TECRL: variants seen among roughly 807,000 people sequenced by gnomAD.
TECRL encodes trans-2,3-enoyl-CoA reductase-like.
In TECRL, 63 loss-of-function variants were observed where a neutral mutation model predicts 52.8. The ratio of observed to expected loss-of-function variants is 1.19; its 90% CI spans 0.97 to 1.47. The LOEUF (loss-of-function observed/expected upper bound fraction) is 1.47, where lower values mean the gene tolerates loss of function less well. Ranked by LOEUF, TECRL falls within the 40% of genes most tolerant of loss-of-function variation. The pLI is 0.00. For synonymous variants in TECRL, 164 were observed against 141.9 expected (o/e 1.16, Z -1.10); for missense variants, 482 against 429.6 (o/e 1.12, Z -1.08).
At chr4:64,407,779 T>A (rs1053926447) in intron 1 of TECRL, among the ~76,000 whole-genome samples, 6 of 150,708 alleles carry the variant, frequency 4.0e-5, no homozygotes, top group Admixed American at 1.3e-4. Context: ...TTTATTTTTT[T>A]ATTTTTCTTA....
chr4:64,384,912 G>T (rs1220177855), intron 1 of TECRL, among the ~76,000 whole-genome samples: 1 of 152,190 alleles, frequency 6.6e-6, no homozygotes, highest in Non-Finnish European at 1.5e-5. Context: ...TTATCTGCAG[G>T]CATAGGCTAT....
chr4:64,290,657 T>C (rs1193283701), intron 8 of TECRL, among the ~76,000 whole-genome samples: 2 of 152,148 alleles, frequency 1.3e-5, no homozygotes, highest in East Asian at 3.8e-4. Flanking sequence ...ATAATAGTTC[T>C]ATGGACTTTA....
intron 2 of TECRL, among the ~76,000 whole-genome samples, chr4:64,348,480 C>T (rs1457312140): frequency 6.6e-6 from 1 of 152,194 alleles, no homozygotes. Flanking sequence ...TCCAGATATT[C>T]TGGTAGGTAA....
At chr4:64,400,486 G>T (rs113451767) in intron 1 of TECRL, among the ~76,000 whole-genome samples, 1 of 152,098 alleles carries the variant, frequency 6.6e-6, no homozygotes, top group East Asian at 1.9e-4. Context: ...TGTGACAAGG[G>T]CATGAGATTT....
chr4:64,318,562 G>A (rs370864188), intron 4 of TECRL, among the ~76,000 whole-genome samples: 2 of 151,916 alleles, frequency 1.3e-5, no homozygotes, highest in South Asian at 2.1e-4. Context: ...TCAAATTGCC[G>A]ATAACAAAAC....
rs922181533 is a variant in TECRL, at chr4:64,400,523, T to A, written c.234+8595A>T. Among the ~76,000 whole-genome samples the A allele has an allele frequency of 2.0e-5, 3 of 152,106 alleles. No homozygotes were observed. The East Asian group carries it at 5.8e-4, about 29-fold the overall frequency. ...GGAGGGACCAAGGGCAGAAAAAATA[T>A]AGTTTGGGAATTTGTCCCTGCCCAA... On this transcript the variant is annotated intron_variant, in intron 1 of 11. Coordinates refer to ENST00000381210, the MANE Select transcript of TECRL (RefSeq NM_001010874.5).
chr4:64,322,875 A>G (rs568549941), intron 3 of TECRL, 83 bp from the exon 4 acceptor site: 3 of 986,774 alleles, frequency 3.0e-6, no homozygotes, highest in Non-Finnish European at 4.4e-6. Context: ...TAAAATCAGT[A>G]AAAGCTAAAG....
intron 6 of TECRL, among the ~76,000 whole-genome samples, chr4:64,306,078 G>A (rs1010217476): frequency 6.6e-6 from 1 of 152,100 alleles, no homozygotes; most frequent in African/African-American, 2.4e-5. Context: ...TCATGGGAAG[G>A]GTGAGTAAGG....
intron 9 of TECRL, among the ~76,000 whole-genome samples, chr4:64,284,999 C>A (rs78064387): frequency 2.6e-5 from 4 of 152,034 alleles, no homozygotes; most frequent in Admixed American, 6.6e-5. Flanking sequence ...ATTCAGGGAA[C>A]CATATACTAG....
At chr4:64,322,023 A>C (rs1292123518) in intron 4 of TECRL, among the ~76,000 whole-genome samples, 1 of 152,162 alleles carries the variant, frequency 6.6e-6, no homozygotes, top group African/African-American at 2.4e-5. Flanking sequence ...CAATAGTCCC[A>C]TAGACAGTTA....
At chr4:64,360,825 T>G (rs1046137751) in intron 2 of TECRL, among the ~76,000 whole-genome samples, 1 of 152,146 alleles carries the variant, frequency 6.6e-6, no homozygotes, top group African/African-American at 2.4e-5. Flanking sequence ...GGTGAGAGAC[T>G]GTATACTGTC....
intron 5 of TECRL, among the ~76,000 whole-genome samples, chr4:64,313,520 C>G (rs886390746): frequency 7.2e-6 from 1 of 139,734 alleles, no homozygotes; most frequent in Admixed American, 7.3e-5. Context: ...CTTTCTCTGT[C>G]CCCCAGGCCG....
Position 64,345,907 on chromosome 4 carries a change from C to CAA in TECRL, c.287-17353_287-17352dup, listed in dbSNP as rs777171822. 4.3e-4 allele frequency among the ~76,000 whole-genome samples: 10 copies of CAA among 23,348 alleles called. 4 individuals are homozygous for CAA. Among genetic ancestry groups the CAA allele is most frequent in the Non-Finnish European group, 5.4e-4 (8 of 14,716 alleles). 15.3% of individuals were successfully genotyped at this position (23,348 alleles called of 152,430 possible). ...CCAACACTGATGGGTGCCTCAACAG[C>CAA]AAAAAAAAAAAAAAAAAAAAAAAAC... is the stretch of plus-strand genomic sequence containing the variant. On this transcript the variant is annotated intron_variant, in intron 2 of 11. Transcript: ENST00000381210.
rs575163777 is a variant in TECRL at position 64,352,349 on chromosome 4, G to C, written c.286+22823C>G. 3.3e-5 allele frequency among the ~76,000 whole-genome samples: 5 copies of C among 152,140 alleles called. No homozygotes were observed. The South Asian group carries it at 1.0e-3, about 32-fold the overall frequency. ...GAGTCATCATTAAAAAACAATTATT[G>C]TATTCCAAATCTGTCCTGAGAGAGG... On this transcript the variant is annotated intron_variant, in intron 2 of 11. Coordinates refer to ENST00000381210, the MANE Select transcript of TECRL (RefSeq NM_001010874.5).
At chr4:64,331,225 C>A (rs1718618077) in intron 2 of TECRL, among the ~76,000 whole-genome samples, 1 of 152,012 alleles carries the variant, frequency 6.6e-6, no homozygotes, top group Non-Finnish European at 1.5e-5. Flanking sequence ...AAATATATAT[C>A]CCCTGAGAAT....
downstream of TECRL, chr4:64,277,004 G>A: frequency 4.7e-6 from 7 of 1,478,988 alleles, no homozygotes; most frequent in Non-Finnish European, 6.4e-6. Flanking sequence ...ACAAGATGGT[G>A]TAAATTTGTC....
At chr4:64,298,438 G>A (rs1024125641) in intron 8 of TECRL, among the ~76,000 whole-genome samples, 4 of 151,040 alleles carry the variant, frequency 2.6e-5, no homozygotes, top group African/African-American at 9.7e-5. Flanking sequence ...AAGTATAATT[G>A]CAAGCTATTA....
chr4:64,375,338 C>T (rs966607172), intron 1 of TECRL, 115 bp from the exon 2 acceptor site: 32 of 498,110 alleles, frequency 6.4e-5, no homozygotes, highest in Non-Finnish European at 1.0e-4. Flanking sequence ...AGAATTTTTG[C>T]TTCATTTATC....
In TECRL at chr4:64,409,174, A is replaced by G. The variant is rs376124638; in HGVS notation, c.178T>C (p.Phe60Leu). The G allele has an allele frequency of 1.9e-6, 3 of 1,613,558 alleles. No homozygotes were observed. The highest frequency in any genetic ancestry group is 2.5e-6 in the Non-Finnish European group (3 of 1,179,812). Residue 60 changes from phenylalanine (F) to leucine (L), a missense_variant, in exon 1 of 12, where the codon TTT becomes CTT. Physicochemically the swap from Phe to Leu is conservative, Grantham distance 22. Transcript: ENST00000381210. Reference protein sequence around the residue: ...PAVKHSKTTHFEIEIFDAQTR... With the variant: ...PAVKHSKTTHLEIEIFDAQTR... ...TGAGCATCAAATATTTCAATCTCAA[A>G]GTGAGTCGTTTTTGAATGTTTGACT...
Sources: allele counts gnomAD v4.1 joint callset (sites outside exome capture counted in the v4.1 genomes callset), GRCh38; gene constraint gnomAD v4.1.1; transcripts MANE v1.5; gene names NCBI Gene and HGNC (gene_info 2026-07-23, HGNC 2026-07-21).